LURAP1L: variants seen among roughly 807,000 people sequenced by gnomAD.
The protein encoded by LURAP1L is leucine rich adaptor protein 1-like.
LURAP1L carries 12 observed loss-of-function variants against 13.8 expected under a neutral mutation model. The ratio of observed to expected loss-of-function variants is 0.87; its 90% confidence interval spans 0.56 to 1.41. LURAP1L has a LOEUF of 1.41. Among genes scored for constraint, LURAP1L ranks in the 40% most tolerant of loss-of-function variants. LURAP1L has a pLI of 0.00. For missense variants in LURAP1L, 375 were observed against 292.9 expected, an observed-to-expected ratio of 1.28 and a Z score of -2.04; for synonymous variants, 139 against 119.2, an observed-to-expected ratio of 1.17 and a Z score of -1.08.
chr9:12,818,683 A>C (rs377409327), intron 1 of LURAP1L, among the ~76,000 whole-genome samples: 1 of 152,074 alleles, frequency 6.6e-6, no homozygotes, highest in Non-Finnish European at 1.5e-5. Context: ...AAGAATGGGG[A>C]GTATTTGGAG....
Position 12,822,018 on chromosome 9 carries a change from G to T in LURAP1L, c.*258G>T. The T allele has an allele frequency of 2.7e-6, 1 of 366,418 alleles. No homozygotes were observed. The highest frequency in any genetic ancestry group is 4.9e-6 in the Non-Finnish European group (1 of 205,652). 22.7% of individuals were successfully genotyped at this position (366,418 alleles called of 1,614,324 possible). A position where few individuals can be genotyped will look rare whatever the true frequency, so the allele number is the denominator to read the frequency against. On this transcript the variant is annotated 3_prime_UTR_variant, in exon 2 of 2. Transcript: ENST00000319264. Reference sequence around the variant, plus strand: ...TTACAGTAGCACAAACAAAGTAGGGGGAAAAGAATAAGCAATAATTATGTT... The same window carrying T: ...TTACAGTAGCACAAACAAAGTAGGGTGAAAAGAATAAGCAATAATTATGTT...
intron 1 of LURAP1L, among the ~76,000 whole-genome samples, chr9:12,779,298 G>A (rs758589764): frequency 4.8e-4 from 56 of 116,508 alleles, no homozygotes; most frequent in Non-Finnish European, 8.6e-4. Context: ...TTTTTGAGAC[G>A]GAGTCTCGCC....
chr9:12,789,089 C>CG lies in LURAP1L; in HGVS notation c.312+13062_312+13063insG, dbSNP rs547580538. On this transcript the variant is annotated intron_variant, in intron 1 of 1. Transcript: ENST00000319264. ...AGATCCTGCCTCCCCCAGCACCCCC[C>CG]CAAAAAAAAAAGAAAAGAAAAGAAA... Among the ~76,000 whole-genome samples the CG allele has an allele frequency of 6.0e-5, 8 of 133,494 alleles. No individual in the cohort carries two copies. In the East Asian group the frequency reaches 1.9e-3, roughly 32 times the overall value. 87.6% of individuals were successfully genotyped at this position (133,494 alleles called of 152,430 possible).
At chr9:12,786,575 T>TATATATATAC (rs1409561310) in intron 1 of LURAP1L, among the ~76,000 whole-genome samples, 6 of 128,694 alleles carry the variant, frequency 4.7e-5, no homozygotes, top group Non-Finnish European at 1.0e-4. Flanking sequence ...TATATATATA[T>TATATATATAC]ATATATAAAC....
chr9:12,778,518 A>G (rs946375561), intron 1 of LURAP1L, among the ~76,000 whole-genome samples: 26 of 152,344 alleles, frequency 1.7e-4, no homozygotes, highest in Middle Eastern at 3.4e-3. Context: ...CATCAATGAC[A>G]TGGGTTCCGT....
At chr9:12,781,014 C>G (rs1026774599) in intron 1 of LURAP1L, among the ~76,000 whole-genome samples, 1 of 152,114 alleles carries the variant, frequency 6.6e-6, no homozygotes, top group South Asian at 2.1e-4. Context: ...TCTTGTTGCC[C>G]AGGCTGGAGT....
rs565286314 is a variant in LURAP1L at position 12,788,484 on chromosome 9, T to A, written c.312+12457T>A. Among the ~76,000 whole-genome samples, 9 of 152,244 alleles carry A rather than the reference T, an allele frequency of 5.9e-5. No individual in the cohort carries two copies. In the South Asian group the frequency reaches 1.7e-3, roughly 28 times the overall value. ...AATGTGGAAATTTATCCTATAGAAA[T>A]AATAATAAATCGGTACAAAAATGTA... On this transcript the variant is annotated intron_variant, in intron 1 of 1. Transcript: ENST00000319264.
chr9:12,810,427 A>C (rs1277421797), intron 1 of LURAP1L, among the ~76,000 whole-genome samples: 2 of 152,124 alleles, frequency 1.3e-5, no homozygotes, highest in African/African-American at 4.8e-5. Flanking sequence ...CAGTTTTCTG[A>C]TGAACCTAAG....
rs537424035 is a variant in LURAP1L at position 12,780,153 on chromosome 9, T to C, written c.312+4126T>C. ...GGATAAAACTTAGACCTTAGGTAACTCCCTAGAAAGAACTAGAAACTTGGA... is the reference window on the plus strand; with the variant it reads ...GGATAAAACTTAGACCTTAGGTAACCCCCTAGAAAGAACTAGAAACTTGGA... On this transcript the variant is annotated intron_variant, in intron 1 of 1. Transcript: ENST00000319264. Among the ~76,000 whole-genome samples, 10 of 152,324 alleles carry C rather than the reference T, an allele frequency of 6.6e-5. No homozygotes were observed. The South Asian group carries it at 2.1e-3, about 32-fold the overall frequency.
chr9:12,814,783 G>C (rs1170397536), intron 1 of LURAP1L, among the ~76,000 whole-genome samples: 1 of 152,146 alleles, frequency 6.6e-6, no homozygotes, highest in Non-Finnish European at 1.5e-5. Context: ...TTTAGTCCTT[G>C]GGGAAATTAC....
intron 1 of LURAP1L, among the ~76,000 whole-genome samples, chr9:12,787,033 T>C (rs193010314): frequency 6.6e-6 from 1 of 152,176 alleles, no homozygotes; most frequent in African/African-American, 2.4e-5. Flanking sequence ...CACAAGCATC[T>C]GTAACAGTGA....
chr9:12,789,085 C>CA (rs1283364789), intron 1 of LURAP1L, among the ~76,000 whole-genome samples: 1 of 135,588 alleles, frequency 7.4e-6, no homozygotes, highest in East Asian at 2.4e-4. Context: ...CCCCCAGCAC[C>CA]CCCCCAAAAA....
At chr9:12,796,934 G>T (rs947476523) in intron 1 of LURAP1L, among the ~76,000 whole-genome samples, 3 of 151,432 alleles carry the variant, frequency 2.0e-5, no homozygotes, top group African/African-American at 7.3e-5. Flanking sequence ...ATTAGGTGGG[G>T]GTGGGGGGAA....
In LURAP1L at chr9:12,775,425, C is replaced by T; in HGVS notation, c.-291C>T. 2.6e-6 allele frequency: 1 copy of T among 378,304 alleles called. No individual in the cohort carries two copies. The highest frequency in any genetic ancestry group is 4.5e-5 in the Admixed American group (1 of 22,216). The allele number at this position is 378,304 out of a possible 1,614,324, so 23.4% of individuals were successfully genotyped here. On this transcript the variant is annotated 5_prime_UTR_variant, in exon 1 of 2. Transcript: ENST00000319264. Reference sequence around the variant, plus strand: ...CCCCTCTGTCTGCAATATCAGTGAACTCAACTTTGCAGTGAGGTGGCCAAA... The same window carrying T: ...CCCCTCTGTCTGCAATATCAGTGAATTCAACTTTGCAGTGAGGTGGCCAAA...
chr9:12,801,701 T>A (rs1819587443), intron 1 of LURAP1L, among the ~76,000 whole-genome samples: 2 of 152,240 alleles, frequency 1.3e-5, no homozygotes, highest in Admixed American at 1.3e-4. Context: ...TTTATATTCA[T>A]TCTTTTTAAA....
chr9:12,781,985 T>C (rs992571978), intron 1 of LURAP1L, among the ~76,000 whole-genome samples: 3 of 152,240 alleles, frequency 2.0e-5, no homozygotes, highest in African/African-American at 7.2e-5. Context: ...ATTGTAGTTT[T>C]GATTTGCATT....
At chr9:12,798,578 C>G (rs1819540519) in intron 1 of LURAP1L, among the ~76,000 whole-genome samples, 1 of 152,174 alleles carries the variant, frequency 6.6e-6, no homozygotes, top group Admixed American at 6.5e-5. Context: ...CATCTGTTGC[C>G]ATATGCTAGG....
rs374239017 is a variant in LURAP1L at position 12,798,110 on chromosome 9, T to C, written c.312+22083T>C. Among the ~76,000 whole-genome samples, 129 of 152,330 alleles carry C rather than the reference T, an allele frequency of 8.5e-4. No individual in the cohort carries two copies. The East Asian group carries it at 0.012, about 14-fold the overall frequency. Reference sequence around the variant, plus strand: ...ATTTCTAGTTTACAATAAAAGCATGTATAATTTAGTATAAAATTGTAAATG... The same window carrying C: ...ATTTCTAGTTTACAATAAAAGCATGCATAATTTAGTATAAAATTGTAAATG... On this transcript the variant is annotated intron_variant, in intron 1 of 1. Coordinates refer to ENST00000319264, the MANE Select transcript of LURAP1L (RefSeq NM_203403.2).
chr9:12,816,366 C>G (rs1464277619), intron 1 of LURAP1L, among the ~76,000 whole-genome samples: 1 of 152,086 alleles, frequency 6.6e-6, no homozygotes, highest in Non-Finnish European at 1.5e-5. Flanking sequence ...AATGAAATCT[C>G]CTGATTTTTC....
Sources: gnomAD v4.1 joint callset for allele counts (sites outside exome capture counted in the v4.1 genomes callset) on GRCh38, gnomAD v4.1.1 for gene constraint, MANE v1.5 for transcripts, NCBI Gene and HGNC (gene_info 2026-07-23, HGNC 2026-07-21) for gene names.